The following PIKFYVE variants were observed in gnomAD, a reference collection of about 807,000 sequenced individuals.
PIKFYVE encodes phosphoinositide kinase, FYVE-type zinc finger containing.
In PIKFYVE, 122 loss-of-function variants were observed where a neutral mutation model predicts 257.9. That is an observed-to-expected ratio of 0.47 (90% confidence interval 0.41 to 0.55). The LOEUF is 0.55. PIKFYVE is among the 20% of genes least tolerant of loss of function. The pLI, the probability that PIKFYVE is intolerant of heterozygous loss-of-function variation, is 0.00. For missense variants in PIKFYVE, 2,160 were observed against 2,536.6 expected (o/e 0.85, Z 3.19); for synonymous variants, 892 against 868.9 (o/e 1.03, Z -0.47).
intron 20 of PIKFYVE, among the ~76,000 whole-genome samples, chr2:208,327,343 T>G (rs886072488): frequency 1.1e-4 from 16 of 152,310 alleles, no homozygotes; most frequent in African/African-American, 3.8e-4. Context: ...CTCCAACTTT[T>G]TATAATCTAT....
At chr2:208,298,083 C>T (rs1467765964) in intron 7 of PIKFYVE, among the ~76,000 whole-genome samples, 2 of 151,968 alleles carry the variant, frequency 1.3e-5, no homozygotes, top group African/African-American at 4.8e-5. Context: ...ATTGGTGTTC[C>T]CTTCATCAGA....
At position 208,304,245 on chromosome 2, in the gene PIKFYVE, C is replaced by T; in HGVS notation, c.1395C>T (p.Ser465=). The change falls in exon 11 of 42, where the codon TCC becomes TCT. Residue 465 remains serine (S), a synonymous_variant. Transcript: ENST00000264380. ...VNSVEGHSEP[S]WFKDIKFDDS... is the part of the protein sequence containing the mutation. ...CCGTGGAAGGACACTCTGAGCCATC[C>T]TGGTTTAAAGACATAAAGTTTGATG... 2 of 1,614,062 alleles carry T rather than the reference C, an allele frequency of 1.2e-6. No individual in the cohort carries two copies. Among genetic ancestry groups the T allele is most frequent in the Non-Finnish European group, 1.7e-6 (2 of 1,179,962 alleles).
intron 20 of PIKFYVE, among the ~76,000 whole-genome samples, chr2:208,327,148 G>A (rs1283883491): frequency 6.6e-6 from 1 of 152,082 alleles, no homozygotes; most frequent in Non-Finnish European, 1.5e-5. Context: ...TTTTTTATTT[G>A]TCAGATTGAC....
chr2:208,315,202 T>C lies in PIKFYVE; in HGVS notation c.1836T>C (p.Asn612=), dbSNP rs1185885185. The change falls in exon 15 of 42, where the codon AAT becomes AAC. Residue 612 remains asparagine (N), a synonymous_variant. Transcript: ENST00000264380. ...KQAMERLLSA[N]HNHMMALLQQ... Reference sequence around the variant, plus strand: ...TATAATATTTTTGTAGTTCAGCTAATCATAACCACATGATGGCACTACTCC... The same window carrying C: ...TATAATATTTTTGTAGTTCAGCTAACCATAACCACATGATGGCACTACTCC... 1.2e-6 allele frequency: 2 copies of C among 1,613,458 alleles called. No individual in the cohort carries two copies. The highest frequency in any genetic ancestry group is 1.7e-6 in the Non-Finnish European group (2 of 1,179,418).
chr2:208,310,857 T>C (rs983880901), intron 12 of PIKFYVE, among the ~76,000 whole-genome samples: 2 of 152,178 alleles, frequency 1.3e-5, no homozygotes, highest in African/African-American at 2.4e-5. Flanking sequence ...AAAAACATTT[T>C]GGAGACAGTT....
In PIKFYVE at chr2:208,285,921, T is replaced by A; in HGVS notation, c.809T>A (p.Leu270Ter). The A allele has an allele frequency of 1.3e-5, 21 of 1,613,986 alleles. No individual in the cohort carries two copies. The highest frequency in any genetic ancestry group is 1.8e-5 in the Non-Finnish European group (21 of 1,179,898). Residue 270 changes from leucine to a stop codon, truncating the protein, a stop_gained, in exon 6 of 42, where the codon TTG becomes TAG. Coordinates refer to ENST00000264380, the MANE Select transcript of PIKFYVE (RefSeq NM_015040.4). LOFTEE classifies it high-confidence loss of function. ...ASRNIFLEDD[L>*]AWQSLIHPDS... ...CGTAACATATTTTTAGAGGATGATT[T>A]GGCCTGGCAAAGGTATTGTCCCTTA... is the stretch of plus-strand genomic sequence containing the variant.
chr2:208,335,489 TTTTA>T, intron 25 of PIKFYVE, 70 bp downstream of exon 25: 1 of 1,245,128 alleles, frequency 8.0e-7, no homozygotes, highest in Non-Finnish European at 1.2e-6. Context: ...GATTTATTCA[TTTTA>T]TTTTCTTTGA....
At chr2:208,322,178 A>G (rs1437321778) in intron 17 of PIKFYVE, among the ~76,000 whole-genome samples, 1 of 151,860 alleles carries the variant, frequency 6.6e-6, no homozygotes, top group African/African-American at 2.4e-5. Flanking sequence ...CCAGGAGTTC[A>G]AGACCAGCCT....
At chr2:208,317,793 A>G in intron 15 of PIKFYVE, 74 bp from the exon 16 acceptor site, 1 of 1,362,328 alleles carries the variant, frequency 7.3e-7, no homozygotes, top group South Asian at 1.2e-5. Context: ...ATGGAAAGAA[A>G]TAATAGCGTA....
intron 3 of PIKFYVE, among the ~76,000 whole-genome samples, chr2:208,274,306 G>C (rs904928486): frequency 5.9e-5 from 9 of 152,160 alleles, no homozygotes; most frequent in Non-Finnish European, 1.0e-4. Flanking sequence ...GATGAGTATG[G>C]GCTGGGGATT....
chr2:208,277,530 G>T lies in PIKFYVE; in HGVS notation c.442-7G>T, dbSNP rs1315054718. 1.2e-6 allele frequency: 2 copies of T among 1,613,154 alleles called. No individual in the cohort carries two copies. Among genetic ancestry groups the T allele is most frequent in the African/African-American group, 2.7e-5 (2 of 74,880 alleles). ...CAAGAAGCCTTCACACATTTTTATT[G>T]TTATAGGATAGTGACCTGAAACAAT... is the stretch of plus-strand genomic sequence containing the variant. On this transcript the variant is annotated splice_region_variant and splice_polypyrimidine_tract_variant and intron_variant, in intron 4 of 41. Transcript: ENST00000264380.
intron 5 of PIKFYVE, among the ~76,000 whole-genome samples, chr2:208,279,415 A>G (rs192558474): frequency 6.6e-6 from 1 of 152,216 alleles, no homozygotes; most frequent in Admixed American, 6.5e-5. Context: ...TAGGTCCCAC[A>G]TGTCAATTTT....
intron 17 of PIKFYVE, among the ~76,000 whole-genome samples, chr2:208,321,959 G>C (rs1401207588): frequency 6.6e-6 from 1 of 152,150 alleles, no homozygotes; most frequent in African/African-American, 2.4e-5. Context: ...GGTATTATAT[G>C]ATCTGTTGGG....
chr2:208,305,627 A>G, intron 12 of PIKFYVE: 2 of 377,722 alleles, frequency 5.3e-6, no homozygotes, highest in Non-Finnish European at 3.6e-6. Flanking sequence ...TATTCAAAAG[A>G]TATTTGGTGT....
rs757841581 is a variant in PIKFYVE at position 208,326,128 on chromosome 2, T to C, written c.3317T>C (p.Leu1106Pro). Residue 1106 changes from leucine (L) to proline (P), a missense_variant, in exon 20 of 42, where the codon CTG (leucine) becomes CCG (proline). Transcript: ENST00000264380. ...KEMENRRKKQ[L>P]LRDLSGLQGM... Reference sequence around the variant, plus strand: ...ATGGAGAACAGGAGGAAGAAACAGCTGCTCAGGGATCTCTCTGGACTTCAG... The same window carrying C: ...ATGGAGAACAGGAGGAAGAAACAGCCGCTCAGGGATCTCTCTGGACTTCAG... The C allele has an allele frequency of 6.2e-7, 1 of 1,614,200 alleles. No individual in the cohort carries two copies. The highest frequency in any genetic ancestry group is 1.1e-5 in the South Asian group (1 of 91,092).
chr2:208,271,465 G>A lies in PIKFYVE; in HGVS notation c.-9-46G>A, dbSNP rs190687910. ...GATGCTGTTTGGAATCAACTTTTGA[G>A]CTTCCTGAGGAATTTAGATTTTTGC... On this transcript the variant is annotated intron_variant, in intron 1 of 41. Coordinates refer to ENST00000264380, the MANE Select transcript of PIKFYVE (RefSeq NM_015040.4). The A allele has an allele frequency of 1.3e-5, 20 of 1,583,670 alleles. No homozygotes were observed. The Middle Eastern group carries it at 6.6e-4, about 53-fold the overall frequency.
At chr2:208,311,086 G>A (rs1694886143) in intron 12 of PIKFYVE, among the ~76,000 whole-genome samples, 2 of 152,080 alleles carry the variant, frequency 1.3e-5, no homozygotes, top group South Asian at 4.2e-4. Flanking sequence ...TTGAACTCAG[G>A]TGGATGGTAT....
intron 7 of PIKFYVE, among the ~76,000 whole-genome samples, chr2:208,290,487 G>A (rs1692171230): frequency 6.6e-6 from 1 of 152,086 alleles, no homozygotes. Flanking sequence ...TATCCCATTG[G>A]CTGGATACAC....
intron 23 of PIKFYVE, among the ~76,000 whole-genome samples, chr2:208,331,225 T>G (rs1456820731): frequency 1.3e-5 from 2 of 152,182 alleles, no homozygotes; most frequent in African/African-American, 2.4e-5. Context: ...AAAGGACATG[T>G]GTTTTGTTTC....
Sources: allele counts gnomAD v4.1 joint callset (sites outside exome capture counted in the v4.1 genomes callset), GRCh38; gene constraint gnomAD v4.1.1; transcripts MANE v1.5; gene names NCBI Gene and HGNC (gene_info 2026-07-23, HGNC 2026-07-21).